SCAPER: variants seen among roughly 807,000 people sequenced by gnomAD.
The protein encoded by SCAPER is S-phase cyclin A associated protein in the ER, also known as S phase cyclin A-associated protein in the endoplasmic reticulum.
SCAPER carries 98 observed loss-of-function variants against 182.2 expected under a neutral mutation model. The observed-to-expected ratio is 0.54, with a 90% CI of 0.46 to 0.64. SCAPER has a LOEUF of 0.64. Ranked by LOEUF, SCAPER falls within the 30% of genes least tolerant of loss-of-function variation. The probability of loss-of-function intolerance (pLI) is 0.00; values close to 1 mark genes in which losing one functional copy is unlikely to be tolerated. For synonymous variants in SCAPER, 605 were observed against 564.6 expected (o/e 1.07, Z -1.01); for missense variants, 1,432 against 1,690.0 (o/e 0.85, Z 2.68).
intron 22 of SCAPER, among the ~76,000 whole-genome samples, chr15:76,617,211 T>C (rs1359485280): frequency 6.6e-6 from 1 of 152,232 alleles, no homozygotes; most frequent in African/African-American, 2.4e-5. Context: ...TAGAAGTTTA[T>C]TTAGAAGGGA....
intron 15 of SCAPER, among the ~76,000 whole-genome samples, chr15:76,744,441 A>T (rs1053267498): frequency 6.6e-6 from 1 of 152,162 alleles, no homozygotes; most frequent in Non-Finnish European, 1.5e-5. Flanking sequence ...CAACAAGCAA[A>T]AAAACAAATA....
intron 23 of SCAPER, among the ~76,000 whole-genome samples, chr15:76,511,153 T>A (rs1433926327): frequency 6.6e-6 from 1 of 152,132 alleles, no homozygotes; most frequent in African/African-American, 2.4e-5. Flanking sequence ...TGGTTCAGTG[T>A]ATACTGCTGG....
intron 26 of SCAPER, among the ~76,000 whole-genome samples, chr15:76,421,354 C>G (rs1163822684): frequency 6.6e-6 from 1 of 152,194 alleles, no homozygotes; most frequent in Non-Finnish European, 1.5e-5. Flanking sequence ...TTTTGATTTG[C>G]ATTTCTCTGA....
At chr15:76,561,506 C>A (rs951400436) in intron 23 of SCAPER, among the ~76,000 whole-genome samples, 3 of 151,632 alleles carry the variant, frequency 2.0e-5, no homozygotes, top group Non-Finnish European at 4.4e-5. Flanking sequence ...TGTTTTTGTT[C>A]CCTGAAATGT....
At chr15:76,765,778 CT>C in intron 11 of SCAPER, 140 bp from the exon 12 acceptor site, 1 of 688,080 alleles carries the variant, frequency 1.5e-6, no homozygotes, top group South Asian at 1.9e-5. Flanking sequence ...AAAAAGGTAC[CT>C]ACCAGTACAA....
At chr15:76,493,296 C>G (rs1032138467) in intron 24 of SCAPER, among the ~76,000 whole-genome samples, 1 of 151,886 alleles carries the variant, frequency 6.6e-6, no homozygotes, top group African/African-American at 2.4e-5. Context: ...AACTATTTTC[C>G]TAATTATAAT....
At chr15:76,638,309 CAATA>C (rs1292880699) in intron 21 of SCAPER, among the ~76,000 whole-genome samples, 1 of 152,112 alleles carries the variant, frequency 6.6e-6, no homozygotes. Context: ...ATTTTAACAA[CAATA>C]AATATTGACA....
At chr15:76,795,871 G>A (rs2065288209) in intron 7 of SCAPER, among the ~76,000 whole-genome samples, 1 of 152,140 alleles carries the variant, frequency 6.6e-6, no homozygotes, top group Admixed American at 6.5e-5. Context: ...AAACCAGCCT[G>A]GCCAACATGG....
intron 21 of SCAPER, among the ~76,000 whole-genome samples, chr15:76,654,282 C>A (rs901477717): frequency 4.6e-5 from 7 of 152,098 alleles, no homozygotes; most frequent in African/African-American, 1.7e-4. Flanking sequence ...GTGGTGGGCG[C>A]CTGTAGTCCC....
At chr15:76,692,696 G>GAAAAAAA (rs71143354) in intron 20 of SCAPER, among the ~76,000 whole-genome samples, 1 of 98,788 alleles carries the variant, frequency 1.0e-5, no homozygotes, top group African/African-American at 3.9e-5. Context: ...TTCAAAAAAA[G>GAAAAAAA]AAAAAAAAAA....
At chr15:76,552,980 G>T (rs780302530) in intron 23 of SCAPER, among the ~76,000 whole-genome samples, 1 of 152,122 alleles carries the variant, frequency 6.6e-6, no homozygotes, top group Non-Finnish European at 1.5e-5. Context: ...TTGGCAGACC[G>T]CTTTTACCTG....
intron 5 of SCAPER, among the ~76,000 whole-genome samples, chr15:76,836,026 T>C (rs2068921731): frequency 1.4e-5 from 2 of 146,104 alleles, no homozygotes; most frequent in Non-Finnish European, 3.0e-5. Context: ...ATGAAAGAAA[T>C]CAGAGATGAC....
chr15:76,546,439 C>T (rs888712973), intron 23 of SCAPER, among the ~76,000 whole-genome samples: 7 of 152,182 alleles, frequency 4.6e-5, no homozygotes, highest in African/African-American at 1.7e-4. Flanking sequence ...ATCCTCCCAC[C>T]TTGGCCTCCC....
At chr15:76,388,164 G>A (rs1218372820) in intron 27 of SCAPER, among the ~76,000 whole-genome samples, 1 of 152,304 alleles carries the variant, frequency 6.6e-6, no homozygotes, top group African/African-American at 2.4e-5. Flanking sequence ...GTCACCCAAG[G>A]AATATTTGAA....
At chr15:76,809,786 T>G (rs1388118407) in intron 5 of SCAPER, among the ~76,000 whole-genome samples, 2 of 152,286 alleles carry the variant, frequency 1.3e-5, no homozygotes, top group East Asian at 3.9e-4. Flanking sequence ...TCCAGAGATA[T>G]CTACACTGAG....
intron 29 of SCAPER, among the ~76,000 whole-genome samples, chr15:76,363,394 G>T (rs1347200093): frequency 1.3e-5 from 2 of 152,226 alleles, no homozygotes; most frequent in African/African-American, 2.4e-5. Context: ...CTATGTGTGA[G>T]AACAGTTAGC....
intron 22 of SCAPER, among the ~76,000 whole-genome samples, chr15:76,581,924 T>C (rs2048301722): frequency 1.3e-5 from 2 of 151,982 alleles, no homozygotes; most frequent in South Asian, 4.2e-4. Flanking sequence ...TCATTCATGA[T>C]AAAAACCCTC....
chr15:76,691,473 G>A (rs1464839489), intron 20 of SCAPER, among the ~76,000 whole-genome samples: 1 of 151,958 alleles, frequency 6.6e-6, no homozygotes, highest in African/African-American at 2.4e-5. Flanking sequence ...CAACTTAACT[G>A]CAAAGGCGAT....
chr15:76,734,346 T>C (rs1320474195), intron 15 of SCAPER, among the ~76,000 whole-genome samples: 1 of 152,176 alleles, frequency 6.6e-6, no homozygotes, highest in Non-Finnish European at 1.5e-5. Context: ...ACAGTTAAAA[T>C]GGTAGAGTGA....
Sources: allele counts gnomAD v4.1 joint callset (sites outside exome capture counted in the v4.1 genomes callset), GRCh38; gene constraint gnomAD v4.1.1; transcripts MANE v1.5; gene names NCBI Gene and HGNC (gene_info 2026-07-23, HGNC 2026-07-21).